Variants in ATRNL1 observed in about 807,000 individuals in gnomAD.
ATRNL1 encodes the protein attractin-like protein 1.
In ATRNL1, 95 loss-of-function variants were observed where a neutral mutation model predicts 182.7. The ratio of observed to expected loss-of-function variants is 0.52; its 90% CI spans 0.44 to 0.62. The LOEUF (loss-of-function observed/expected upper bound fraction) is 0.62, where lower values mean the gene tolerates loss of function less well. Among genes scored for constraint, ATRNL1 ranks in the 20% least tolerant of loss-of-function variants. The pLI, the probability that ATRNL1 is intolerant of heterozygous loss-of-function variation, is 0.00. For missense variants in ATRNL1, 1,471 were observed against 1,679.5 expected, an observed-to-expected ratio of 0.88 and a Z score of 2.17; for synonymous variants, 576 against 568.3, an observed-to-expected ratio of 1.01 and a Z score of -0.19.
At chr10:115,373,503 T>TC (rs1857503054) in intron 19 of ATRNL1, among the ~76,000 whole-genome samples, 1 of 152,032 alleles carries the variant, frequency 6.6e-6, no homozygotes, top group African/African-American at 2.4e-5. Flanking sequence ...TGGGTTTTTA[T>TC]CTAACTTCTT....
At chr10:115,895,970 G>A (rs1274601967) in intron 28 of ATRNL1, among the ~76,000 whole-genome samples, 1 of 152,158 alleles carries the variant, frequency 6.6e-6, no homozygotes, top group Non-Finnish European at 1.5e-5. Flanking sequence ...TCTACCAGGT[G>A]GATGAGGTTG....
intron 26 of ATRNL1, among the ~76,000 whole-genome samples, chr10:115,584,424 A>C (rs1307684619): frequency 7.1e-6 from 1 of 141,178 alleles, no homozygotes; most frequent in Non-Finnish European, 1.6e-5. Context: ...CCACAATTTC[A>C]GATGGTGTTA....
At chr10:115,170,924 G>A (rs1847263497) in intron 7 of ATRNL1, 113 bp from the exon 8 acceptor site, 2 of 544,744 alleles carry the variant, frequency 3.7e-6, no homozygotes, top group African/African-American at 2.0e-5. Context: ...AATGCCTTAT[G>A]CATGTTGTGA....
chr10:115,631,848 T>TGA (rs1357923179), intron 26 of ATRNL1, among the ~76,000 whole-genome samples: 2 of 152,236 alleles, frequency 1.3e-5, no homozygotes, highest in African/African-American at 4.8e-5. Context: ...TTTCTAGGAC[T>TGA]GAGCTGTGAA....
chr10:115,568,535 G>A (rs2769377), intron 26 of ATRNL1, among the ~76,000 whole-genome samples: 144,793 of 151,964 alleles, frequency 0.95, 69,127 homozygotes, highest in Admixed American at 0.98. Flanking sequence ...TATCTTAAAT[G>A]TCTTTGCCAG....
intron 21 of ATRNL1, among the ~76,000 whole-genome samples, chr10:115,436,786 A>T (rs1242309780): frequency 2.6e-5 from 4 of 152,046 alleles, no homozygotes; most frequent in African/African-American, 9.7e-5. Context: ...TATTCATTCT[A>T]CATTTACTTA....
chr10:115,123,438 C>CTTCATCT (rs1166247641), intron 3 of ATRNL1, among the ~76,000 whole-genome samples: 1 of 152,182 alleles, frequency 6.6e-6, no homozygotes, highest in Non-Finnish European at 1.5e-5. Context: ...GCTGTTTGTA[C>CTTCATCT]TTCATCTTGC....
At chr10:115,761,459 T>C (rs1162818828) in intron 27 of ATRNL1, among the ~76,000 whole-genome samples, 1 of 16,374 alleles carries the variant, frequency 6.1e-5, no homozygotes, top group African/African-American at 1.4e-4. Flanking sequence ...ACAAAAATCA[T>C]AAATAACTTC....
At chr10:115,405,019 G>A (rs913238711) in intron 20 of ATRNL1, among the ~76,000 whole-genome samples, 3 of 152,062 alleles carry the variant, frequency 2.0e-5, no homozygotes. Context: ...AAAGTGCACA[G>A]TAAAGAACAG....
At chr10:115,351,759 G>GTTTTGTTTTGTTTTT (rs1396095081) in intron 19 of ATRNL1, among the ~76,000 whole-genome samples, 4 of 151,826 alleles carry the variant, frequency 2.6e-5, no homozygotes, top group Non-Finnish European at 5.9e-5. Context: ...GTTTTGTTTT[G>GTTTTGTTTTGTTTTT]TTTTGTTTTG....
intron 10 of ATRNL1, among the ~76,000 whole-genome samples, chr10:115,246,464 C>T (rs1445853399): frequency 6.6e-6 from 1 of 152,092 alleles, no homozygotes; most frequent in African/African-American, 2.4e-5. Context: ...ACCTGTCCCC[C>T]TCCCGAATAA....
intron 26 of ATRNL1, among the ~76,000 whole-genome samples, chr10:115,591,721 T>C (rs1438694383): frequency 6.6e-6 from 1 of 152,170 alleles, no homozygotes; most frequent in Non-Finnish European, 1.5e-5. Flanking sequence ...CGTATATACT[T>C]TGGTGGGAAT....
chr10:115,311,010 A>G (rs1360451621), intron 17 of ATRNL1, among the ~76,000 whole-genome samples: 1 of 152,078 alleles, frequency 6.6e-6, no homozygotes, highest in Non-Finnish European at 1.5e-5. Context: ...CTTATGTCAC[A>G]GTTATTGTTC....
chr10:115,422,837 G>C (rs1554962164), intron 20 of ATRNL1, among the ~76,000 whole-genome samples: 1 of 152,144 alleles, frequency 6.6e-6, no homozygotes, highest in Non-Finnish European at 1.5e-5. Context: ...CGAACATAAA[G>C]AAGGGAACAA....
chr10:115,430,812 A>AC (rs1164002094), intron 21 of ATRNL1, among the ~76,000 whole-genome samples: 1 of 152,074 alleles, frequency 6.6e-6, no homozygotes, highest in African/African-American at 2.4e-5. Flanking sequence ...GGGGAGTGGG[A>AC]CGTGGGTGCC....
In ATRNL1 at chr10:115,924,731, G is replaced by A. The variant is rs538944161; in HGVS notation, c.4019-19927G>A. 2.0e-5 allele frequency among the ~76,000 whole-genome samples: 3 copies of A among 152,276 alleles called. No homozygotes were observed. The East Asian group carries it at 5.8e-4, about 29-fold the overall frequency. The stretch of plus-strand genomic sequence containing the variant: ...TGCTTAGGATTGTCTTGGCTCTACA[G>A]GGTCTTCTTTGATTCCATGTGAAAT... On this transcript the variant is annotated intron_variant, in intron 28 of 28. Coordinates refer to ENST00000355044, the MANE Select transcript of ATRNL1 (RefSeq NM_207303.4).
At chr10:115,222,665 A>C (rs1340679619) in intron 9 of ATRNL1, among the ~76,000 whole-genome samples, 1 of 152,200 alleles carries the variant, frequency 6.6e-6, no homozygotes, top group African/African-American at 2.4e-5. Context: ...GCTTAAAGAC[A>C]ATAATCATCC....
intron 26 of ATRNL1, among the ~76,000 whole-genome samples, chr10:115,595,029 A>G (rs1555013524): frequency 6.6e-6 from 1 of 152,214 alleles, no homozygotes; most frequent in Non-Finnish European, 1.5e-5. Context: ...ATTTTCACAG[A>G]ATGGACACTT....
chr10:115,823,493 C>T (rs188849023), intron 27 of ATRNL1, among the ~76,000 whole-genome samples: 64 of 152,154 alleles, frequency 4.2e-4, no homozygotes, highest in African/African-American at 1.4e-3. Context: ...ATATTGTCTG[C>T]GTTTGCAGAT....
Sources: allele counts gnomAD v4.1 joint callset (sites outside exome capture counted in the v4.1 genomes callset), GRCh38; gene constraint gnomAD v4.1.1; transcripts MANE v1.5; gene names NCBI Gene and HGNC (gene_info 2026-07-23, HGNC 2026-07-21).